TSPAN15: variants seen among roughly 807,000 people sequenced by gnomAD.
TSPAN15 encodes tetraspanin-15.
TSPAN15 carries 20 observed loss-of-function variants against 34.5 expected under a neutral mutation model. The observed-to-expected ratio is 0.58, with a 90% CI of 0.41 to 0.84. TSPAN15 has a LOEUF of 0.84. TSPAN15 is among the 40% of genes least tolerant of loss of function. The probability of loss-of-function intolerance (pLI) is 0.00; values close to 1 mark genes in which losing one functional copy is unlikely to be tolerated. For missense variants in TSPAN15, 313 were observed against 386.1 expected (o/e 0.81, Z 1.59); for synonymous variants, 155 against 153.9 (o/e 1.01, Z -0.05).
chr10:69,479,889 G>T (rs891664972), intron 1 of TSPAN15, among the ~76,000 whole-genome samples: 1 of 152,172 alleles, frequency 6.6e-6, no homozygotes, highest in Non-Finnish European at 1.5e-5. Context: ...AGCTCCTTCT[G>T]CTAGACCAGG....
At chr10:69,541,842 C>T in the TSPAN15 span, among the ~76,000 whole-genome samples, 1 of 152,244 alleles carries the variant, frequency 6.6e-6, no homozygotes, top group Non-Finnish European at 1.5e-5. Context: ...CTGGGATGCA[C>T]TGGTCCCCCA....
the TSPAN15 span, among the ~76,000 whole-genome samples, chr10:69,534,520 G>A: frequency 6.6e-6 from 1 of 152,174 alleles, no homozygotes; most frequent in Non-Finnish European, 1.5e-5. Context: ...AATCATATCG[G>A]TGGTGATAGT....
In TSPAN15 at chr10:69,451,731, C is replaced by A; in HGVS notation, c.96+41C>A. The A allele has an allele frequency of 5.8e-6, 8 of 1,384,552 alleles. 1 individual carries two copies. The highest frequency in any genetic ancestry group is 7.6e-6 in the Non-Finnish European group (8 of 1,051,672). 85.8% of individuals were successfully genotyped at this position (1,384,552 alleles called of 1,614,324 possible). On this transcript the variant is annotated intron_variant, in intron 1 of 7. Transcript: ENST00000373290. Reference sequence around the variant, plus strand: ...AGGGCCCGGGGATGGGGGTGGGGACCCACAATCCGGCCGCCCCCTCACTGG... The same window carrying A: ...AGGGCCCGGGGATGGGGGTGGGGACACACAATCCGGCCGCCCCCTCACTGG...
the TSPAN15 span, among the ~76,000 whole-genome samples, chr10:69,529,459 A>G: frequency 1.4e-5 from 2 of 147,808 alleles, no homozygotes; most frequent in African/African-American, 4.9e-5. Context: ...AAAATCCATG[A>G]CTTAGAAATG....
intron 1 of TSPAN15, among the ~76,000 whole-genome samples, chr10:69,478,865 AT>A (rs1841671911): frequency 6.6e-6 from 1 of 152,248 alleles, no homozygotes; most frequent in Admixed American, 6.5e-5. Flanking sequence ...TGTAAATGAC[AT>A]TTTAAGATAT....
Position 69,485,141 on chromosome 10 carries a change from T to C in TSPAN15, c.283T>C (p.Phe95Leu), listed in dbSNP as rs772805168. The change falls in exon 3 of 8, where the codon TTC becomes CTC. Residue 95 changes from phenylalanine (F) to leucine (L), a missense_variant and splice_region_variant. Phe to Leu is a conservative substitution (Grantham distance 22, BLOSUM62 0). Transcript: ENST00000373290. Reference sequence around the variant, plus strand: ...TGAGTCTCTGAATTCTGTTTTCCAGTTCATGTACATCCTTGGGATCTGCCT... The same window carrying C: ...TGAGTCTCTGAATTCTGTTTTCCAGCTCATGTACATCCTTGGGATCTGCCT... ...LRDNLYLLQA[F>L]MYILGICLIM... The C allele has an allele frequency of 1.2e-6, 2 of 1,614,172 alleles. No homozygotes were observed. The highest frequency in any genetic ancestry group is 2.2e-5 in the South Asian group (2 of 91,080).
At chr10:69,538,197 A>C in the TSPAN15 span, among the ~76,000 whole-genome samples, 29,569 of 152,176 alleles carry the variant, frequency 0.19, 3,124 homozygotes, top group East Asian at 0.29. Flanking sequence ...GGAGGGGGGA[A>C]ACAAACATTC....
At chr10:69,483,442 C>G (rs1227657977) in intron 1 of TSPAN15, among the ~76,000 whole-genome samples, 1 of 152,104 alleles carries the variant, frequency 6.6e-6, no homozygotes, top group African/African-American at 2.4e-5. Context: ...CCTTAGTGAC[C>G]TCATTTTAAC....
the TSPAN15 span, among the ~76,000 whole-genome samples, chr10:69,514,562 C>G: frequency 6.6e-6 from 1 of 152,086 alleles, no homozygotes; most frequent in African/African-American, 2.4e-5. Context: ...TTCTTGAGAG[C>G]TTTGGTAGTT....
chr10:69,529,777 T>C, the TSPAN15 span, among the ~76,000 whole-genome samples: 1 of 147,530 alleles, frequency 6.8e-6, no homozygotes, highest in Non-Finnish European at 1.5e-5. Context: ...TCTCAGATTT[T>C]GGTGCACCCA....
rs1554830967 is a variant in TSPAN15 at position 69,459,930 on chromosome 10, C to CCA, written c.96+8240_96+8241insCA. On this transcript the variant is annotated intron_variant, in intron 1 of 7. Coordinates refer to ENST00000373290, the MANE Select transcript of TSPAN15 (RefSeq NM_012339.5). ...AGGGAGACTCTAGGCACCCCCCCCC[C>CCA]ACGAATGGAGGGAGACTCTAGGGCT... Among the ~76,000 whole-genome samples, 1,005 of 144,182 alleles carry CCA rather than the reference C, an allele frequency of 7.0e-3. 25 individuals carry two copies. The highest frequency in any genetic ancestry group is 0.013 in the African/African-American group (505 of 38,432). 94.6% of individuals were successfully genotyped at this position (144,182 alleles called of 152,430 possible). A position where few individuals can be genotyped will look rare whatever the true frequency, so the allele number is the denominator to read the frequency against.
At chr10:69,474,242 G>A (rs1444898689) in intron 1 of TSPAN15, among the ~76,000 whole-genome samples, 5 of 151,886 alleles carry the variant, frequency 3.3e-5, no homozygotes, top group East Asian at 1.9e-4. Context: ...CAGCCCAGAG[G>A]GGTCAGGACA....
At chr10:69,530,718 T>C in the TSPAN15 span, among the ~76,000 whole-genome samples, 1 of 136,782 alleles carries the variant, frequency 7.3e-6, no homozygotes, top group Admixed American at 8.0e-5. Flanking sequence ...AGGCTGAAAA[T>C]GAAAATCTCT....
At chr10:69,542,854 C>T in the TSPAN15 span, among the ~76,000 whole-genome samples, 216 of 152,316 alleles carry the variant, frequency 1.4e-3, 1 homozygote, top group Non-Finnish European at 2.4e-3. Flanking sequence ...CAAGCCATAT[C>T]GAGCAGTAAA....
At chr10:69,535,421 T>C in the TSPAN15 span, among the ~76,000 whole-genome samples, 12 of 152,066 alleles carry the variant, frequency 7.9e-5, no homozygotes, top group African/African-American at 2.7e-4. Context: ...ATAATAATAC[T>C]AAAAAAATAA....
intron 3 of TSPAN15, chr10:69,495,009 G>A (rs12414602): frequency 0.093 from 35,901 of 385,280 alleles, 1,873 homozygotes; most frequent in Admixed American, 0.11. Context: ...GAGTGCTGCA[G>A]TGATGAGGAG....
chr10:69,507,603 A>T lies in TSPAN15; in HGVS notation c.*625A>T. On this transcript the variant is annotated 3_prime_UTR_variant, in exon 8 of 8. Transcript: ENST00000373290. ...AAGCTGGTATTTCCCCGCATGTCTT[A>T]TTCTTGCCCTTCCCCCAACCAGTTT... is the stretch of plus-strand genomic sequence containing the variant. The T allele has an allele frequency of 7.7e-7, 1 of 1,300,394 alleles. No individual in the cohort carries two copies. The allele number at this position is 1,300,394 out of a possible 1,614,324, so 80.6% of individuals were successfully genotyped here.
the TSPAN15 span, among the ~76,000 whole-genome samples, chr10:69,524,772 T>G: frequency 7.9e-6 from 1 of 126,850 alleles, no homozygotes; most frequent in Non-Finnish European, 1.7e-5. Flanking sequence ...AGATTATATA[T>G]ATATATGCAT....
At chr10:69,484,162 C>CA in intron 2 of TSPAN15, 1 of 322,238 alleles carries the variant, frequency 3.1e-6, no homozygotes. Context: ...CAAGCAAAGA[C>CA]AAAAAAAGGA....
Sources: gnomAD v4.1 joint callset for allele counts (sites outside exome capture counted in the v4.1 genomes callset) on GRCh38, gnomAD v4.1.1 for gene constraint, MANE v1.5 for transcripts, NCBI Gene and HGNC (gene_info 2026-07-23, HGNC 2026-07-21) for gene names.